The following AGAP4 variants were observed in gnomAD, a reference collection of about 807,000 sequenced individuals.
The protein encoded by AGAP4 is ArfGAP with GTPase domain, ankyrin repeat and PH domain 4, also known as arf-GAP with GTPase, ANK repeat and PH domain-containing protein 4.
In AGAP4, 13 loss-of-function variants were observed where a neutral mutation model predicts 60.7. The ratio of observed to expected loss-of-function variants is 0.21; its 90% CI spans 0.14 to 0.34. The LOEUF (loss-of-function observed/expected upper bound fraction) is 0.34. Ranked by LOEUF, AGAP4 falls within the 10% of genes least tolerant of loss-of-function variation. The probability of loss-of-function intolerance (pLI) is 1.00; values close to 1 mark genes in which losing one functional copy is unlikely to be tolerated. For missense variants in AGAP4, 169 were observed against 884.0 expected (o/e 0.19, Z 10.26); for synonymous variants, 70 against 339.0 (o/e 0.21, Z 8.72).
chr10:45,844,084 A>G (rs1264806978), intron 3 of AGAP4, among the ~76,000 whole-genome samples: 6 of 150,640 alleles, frequency 4.0e-5, no homozygotes, highest in Non-Finnish European at 8.8e-5. Flanking sequence ...TGACTCCTCC[A>G]TCACATCACA....
upstream of AGAP4, chr10:45,854,633 C>CAAAACAAA (rs1265743204): frequency 1.5e-5 from 1 of 66,258 alleles, no homozygotes; most frequent in Non-Finnish European, 2.7e-5. Flanking sequence ...GACTCCCTCT[C>CAAAACAAA]AAAAAAAAAA....
At chr10:45,844,665 T>TA (rs1299137211) in intron 2 of AGAP4, among the ~76,000 whole-genome samples, 4,291 of 91,244 alleles carry the variant, frequency 0.047, 202 homozygotes, top group Middle Eastern at 0.065. Context: ...CTCCTTTATT[T>TA]AAAAAAAAAA....
At chr10:45,830,598 G>T (rs1288968196) in intron 6 of AGAP4, among the ~76,000 whole-genome samples, 14 of 118,444 alleles carry the variant, frequency 1.2e-4, no homozygotes, top group African/African-American at 4.6e-4. Flanking sequence ...CGGTTCTCCT[G>T]CCTCAGCCTC....
upstream of AGAP4, among the ~76,000 whole-genome samples, chr10:45,849,964 C>T (rs1162711167): frequency 2.0e-5 from 3 of 150,656 alleles, no homozygotes; most frequent in South Asian, 4.2e-4. Context: ...CAGAGTCTCA[C>T]TCTGTTGCCC....
At chr10:45,852,217 T>TAAAAAA (rs781889843), upstream of AGAP4, among the ~76,000 whole-genome samples, 2 of 91,736 alleles carry the variant, frequency 2.2e-5, no homozygotes, top group Admixed American at 1.3e-4. Context: ...GGCCAGACTT[T>TAAAAAA]AAAAAAAAAA....
chr10:45,853,791 T>G (rs2059110890), exon 1 of AGAP4: 1 of 1,287,520 alleles, frequency 7.8e-7, no homozygotes, highest in African/African-American at 1.5e-5. Flanking sequence ...GAAGGCATCT[T>G]AGACAAGATC....
At chr10:45,851,390 A>G (rs1162550921), upstream of AGAP4, among the ~76,000 whole-genome samples, 5 of 152,022 alleles carry the variant, frequency 3.3e-5, no homozygotes, top group African/African-American at 1.2e-4. Context: ...TGCCTGTTCA[A>G]TAGGTACTCA....
At chr10:45,843,054 T>G (rs2058944728) in intron 3 of AGAP4, among the ~76,000 whole-genome samples, 1 of 86,594 alleles carries the variant, frequency 1.2e-5, no homozygotes, top group Non-Finnish European at 2.3e-5. Context: ...CCCAGCACTT[T>G]GGGAGGCTGA....
intron 4 of AGAP4, among the ~76,000 whole-genome samples, chr10:45,839,322 T>A: frequency 2.7e-5 from 3 of 112,410 alleles, no homozygotes. Flanking sequence ...GAAAGTAGGG[T>A]AAAATGTGAA....
chr10:45,850,644 A>G (rs2135976047), upstream of AGAP4, among the ~76,000 whole-genome samples: 1 of 152,372 alleles, frequency 6.6e-6, no homozygotes, highest in Admixed American at 6.5e-5. Context: ...AAGCGGAGGA[A>G]AAAGTCTGTG....
intron 1 of AGAP4, 83 bp downstream of exon 1, chr10:45,847,042 G>T: frequency 6.3e-7 from 1 of 1,597,278 alleles, no homozygotes; most frequent in East Asian, 2.2e-5. Flanking sequence ...GGAGCTCGAA[G>T]TGGGGGATGC....
intron 2 of AGAP4, 170 bp from the exon 3 acceptor site, chr10:45,844,564 T>G: frequency 8.4e-7 from 1 of 1,186,118 alleles, no homozygotes; most frequent in South Asian, 1.6e-5. Context: ...GGCACATGCT[T>G]GTAGTCCCAG....
At chr10:45,831,955 G>C (rs1211444686) in intron 5 of AGAP4, among the ~76,000 whole-genome samples, 8 of 146,644 alleles carry the variant, frequency 5.5e-5, no homozygotes, top group Admixed American at 4.8e-4. Context: ...TGTTGCCCAG[G>C]CTGGAGTGCA....
intron 2 of AGAP4, 176 bp from the exon 3 acceptor site, chr10:45,844,570 C>T (rs1357260614): frequency 1.7e-5 from 18 of 1,076,556 alleles, no homozygotes; most frequent in East Asian, 1.1e-4. Flanking sequence ...TGCTTGTAGT[C>T]CCAGCTACTC....
intron 3 of AGAP4, among the ~76,000 whole-genome samples, chr10:45,841,987 G>C (rs1331873831): frequency 6.8e-6 from 1 of 147,646 alleles, no homozygotes; most frequent in Non-Finnish European, 1.5e-5. Flanking sequence ...CTAATAAAAA[G>C]TTTAACTGTT....
intron 5 of AGAP4, 69 bp from the exon 6 acceptor site, chr10:45,831,498 G>A: frequency 3.6e-6 from 5 of 1,379,626 alleles, no homozygotes; most frequent in Non-Finnish European, 5.1e-6. Context: ...TTTTTTAAAA[G>A]GGGGGCAGAG....
At chr10:45,853,284 G>A (rs2059105933) in intron 1 of AGAP4, among the ~76,000 whole-genome samples, 1 of 151,156 alleles carries the variant, frequency 6.6e-6, no homozygotes, top group African/African-American at 2.4e-5. Context: ...GGTGCCCTAT[G>A]AAGTCCTGTC....
upstream of AGAP4, among the ~76,000 whole-genome samples, chr10:45,849,619 T>C (rs1285524694): frequency 6.6e-6 from 1 of 151,364 alleles, no homozygotes; most frequent in Non-Finnish European, 1.5e-5. Flanking sequence ...ATTAACCTTT[T>C]ATGCTTCAAC....
upstream of AGAP4, among the ~76,000 whole-genome samples, chr10:45,849,887 C>A (rs1202934822): frequency 7.9e-4 from 120 of 151,338 alleles, no homozygotes; most frequent in African/African-American, 2.7e-3. Flanking sequence ...GGACTACAGG[C>A]ATGAGCCACC....
Sources: allele counts gnomAD v4.1 joint callset (sites outside exome capture counted in the v4.1 genomes callset), GRCh38; gene constraint gnomAD v4.1.1; transcripts MANE v1.5; gene names NCBI Gene and HGNC (gene_info 2026-07-23, HGNC 2026-07-21).